KCND2: variants seen among roughly 807,000 people sequenced by gnomAD.
The protein encoded by KCND2 is potassium voltage-gated channel subfamily D member 2.
In KCND2, 16 loss-of-function variants were observed where a neutral mutation model predicts 54.4. That is an observed-to-expected ratio of 0.29 (90% confidence interval 0.20 to 0.45). The LOEUF is 0.45. KCND2 is among the 20% of genes least tolerant of loss of function. The probability of loss-of-function intolerance (pLI) is 1.00; values close to 1 mark genes in which losing one functional copy is unlikely to be tolerated. For synonymous variants in KCND2, 317 were observed against 310.7 expected, an observed-to-expected ratio of 1.02 and a Z score of -0.21; for missense variants, 486 against 824.2, an observed-to-expected ratio of 0.59 and a Z score of 5.02.
chr7:120,633,585 T>A lies in KCND2; in HGVS notation c.1116-99318T>A, dbSNP rs539659402. ...ATTTATCAAGATTATCTTATATAAC[T>A]CTCCCCCCAAAACCTGTGGTTGTTA... On this transcript the variant is annotated intron_variant, in intron 1 of 5. Transcript: ENST00000331113. Among the ~76,000 whole-genome samples, 5 of 152,206 alleles carry A rather than the reference T, an allele frequency of 3.3e-5. No individual in the cohort carries two copies. The South Asian group carries it at 8.3e-4, about 25-fold the overall frequency.
intron 1 of KCND2, among the ~76,000 whole-genome samples, chr7:120,686,587 A>G (rs1419749429): frequency 1.3e-5 from 2 of 152,136 alleles, no homozygotes; most frequent in African/African-American, 4.8e-5. Flanking sequence ...GAAATAAAGT[A>G]CACGTGGAAG....
At chr7:120,551,742 T>A (rs73439863) in intron 1 of KCND2, among the ~76,000 whole-genome samples, 3,241 of 152,296 alleles carry the variant, frequency 0.021, 130 homozygotes, top group African/African-American at 0.074. Context: ...AGTATAGCAA[T>A]GTATGATAGC....
chr7:120,590,949 A>G (rs1302104097), intron 1 of KCND2, among the ~76,000 whole-genome samples: 1 of 152,050 alleles, frequency 6.6e-6, no homozygotes, highest in African/African-American at 2.4e-5. Context: ...TATCTTTTAG[A>G]TGGTTGAATA....
chr7:120,734,749 TA>T (rs1195763182), intron 2 of KCND2, among the ~76,000 whole-genome samples: 2 of 152,108 alleles, frequency 1.3e-5, no homozygotes, highest in African/African-American at 4.8e-5. Flanking sequence ...TTTCATTTTT[TA>T]AAAAATATCC....
At chr7:120,604,488 G>A (rs771400242) in intron 1 of KCND2, among the ~76,000 whole-genome samples, 7 of 148,276 alleles carry the variant, frequency 4.7e-5, no homozygotes, top group Non-Finnish European at 1.0e-4. Context: ...GGGTGACAGA[G>A]CAAGACTCCA....
chr7:120,675,581 A>G (rs979177933), intron 1 of KCND2, among the ~76,000 whole-genome samples: 2 of 152,064 alleles, frequency 1.3e-5, no homozygotes, highest in Non-Finnish European at 2.9e-5. Flanking sequence ...TATATGAAGC[A>G]TATGCCCAAT....
intron 1 of KCND2, among the ~76,000 whole-genome samples, chr7:120,678,382 C>T (rs925077614): frequency 1.9e-3 from 255 of 131,656 alleles, no homozygotes; most frequent in East Asian, 9.0e-3. Flanking sequence ...TACGCACACA[C>T]ACATATATAG....
chr7:120,349,086 A>G (rs1453938061), intron 1 of KCND2, among the ~76,000 whole-genome samples: 2 of 152,170 alleles, frequency 1.3e-5, no homozygotes, highest in Admixed American at 1.3e-4. Context: ...CTCCATTAAT[A>G]TCTTACCACC....
intron 1 of KCND2, among the ~76,000 whole-genome samples, chr7:120,448,106 T>A (rs1230507409): frequency 6.6e-6 from 1 of 152,190 alleles, no homozygotes; most frequent in Non-Finnish European, 1.5e-5. Context: ...TGTATACATG[T>A]GCCATGTTGG....
At chr7:120,709,256 A>G (rs1256348520) in intron 1 of KCND2, among the ~76,000 whole-genome samples, 1 of 152,178 alleles carries the variant, frequency 6.6e-6, no homozygotes, top group Non-Finnish European at 1.5e-5. Flanking sequence ...AAAGAAAACA[A>G]AACTTCAAAT....
intron 1 of KCND2, among the ~76,000 whole-genome samples, chr7:120,630,711 G>A (rs1029955338): frequency 3.3e-4 from 50 of 152,172 alleles, no homozygotes; most frequent in Admixed American, 1.1e-3. Flanking sequence ...GTGATATCTC[G>A]CTTAAAAGGT....
chr7:120,682,605 G>A (rs1321628126), intron 1 of KCND2, among the ~76,000 whole-genome samples: 17 of 152,110 alleles, frequency 1.1e-4, no homozygotes, highest in Admixed American at 9.8e-4. Flanking sequence ...TTGAAAGACA[G>A]TGCAGTCTTT....
chr7:120,292,906 T>C (rs560641667), intron 1 of KCND2, among the ~76,000 whole-genome samples: 1 of 151,950 alleles, frequency 6.6e-6, no homozygotes, highest in Non-Finnish European at 1.5e-5. Context: ...TAATTTCAAG[T>C]CCTCTGAAGC....
intron 1 of KCND2, among the ~76,000 whole-genome samples, chr7:120,513,088 C>T (rs1803144479): frequency 2.6e-5 from 4 of 151,972 alleles, no homozygotes; most frequent in African/African-American, 7.2e-5. Context: ...AGTGAGCCCC[C>T]GCACCTGTCC....
chr7:120,633,140 A>G (rs964692229), intron 1 of KCND2, among the ~76,000 whole-genome samples: 2 of 152,236 alleles, frequency 1.3e-5, no homozygotes, highest in Non-Finnish European at 2.9e-5. Flanking sequence ...GTAAGAATCA[A>G]GAGGAGATAG....
chr7:120,414,031 G>T (rs1304725811), intron 1 of KCND2, among the ~76,000 whole-genome samples: 1 of 150,842 alleles, frequency 6.6e-6, no homozygotes, highest in Admixed American at 6.6e-5. Flanking sequence ...TTAGTCTGAT[G>T]ATGAGGTTCT....
At chr7:120,699,915 T>C (rs1792379386) in intron 1 of KCND2, among the ~76,000 whole-genome samples, 1 of 152,096 alleles carries the variant, frequency 6.6e-6, no homozygotes. Flanking sequence ...ATGTAAAAGA[T>C]ATAAAGAAAC....
intron 1 of KCND2, among the ~76,000 whole-genome samples, chr7:120,520,969 CACTT>C (rs1435312348): frequency 6.6e-6 from 1 of 152,236 alleles, no homozygotes; most frequent in East Asian, 1.9e-4. Context: ...AAAGTATACT[CACTT>C]AGTAAGCAAT....
chr7:120,687,335 A>C (rs1792215248), intron 1 of KCND2, among the ~76,000 whole-genome samples: 1 of 152,146 alleles, frequency 6.6e-6, no homozygotes. Context: ...TGGTAGATTA[A>C]TGAATTCTAG....
Sources: gnomAD v4.1 joint callset for allele counts (sites outside exome capture counted in the v4.1 genomes callset) on GRCh38, gnomAD v4.1.1 for gene constraint, MANE v1.5 for transcripts, NCBI Gene and HGNC (gene_info 2026-07-23, HGNC 2026-07-21) for gene names.